The following DDX10 variants were observed in gnomAD, a reference collection of about 807,000 sequenced individuals.
The protein encoded by DDX10 is DEAD-box helicase 10, also known as probable ATP-dependent RNA helicase DDX10.
DDX10 carries 74 observed loss-of-function variants against 104.3 expected under a neutral mutation model. The ratio of observed to expected loss-of-function variants is 0.71; its 90% confidence interval spans 0.59 to 0.86. DDX10 has a LOEUF of 0.86. DDX10 is among the 40% of genes least tolerant of loss of function. The pLI, the probability that DDX10 is intolerant of heterozygous loss-of-function variation, is 0.00. For synonymous variants in DDX10, 351 were observed against 353.4 expected, an observed-to-expected ratio of 0.99 and a Z score of 0.08; for missense variants, 952 against 1,040.0, an observed-to-expected ratio of 0.92 and a Z score of 1.16.
At chr11:108,838,320 A>G (rs914428008) in intron 13 of DDX10, 126 bp from the exon 14 acceptor site, 18 of 990,316 alleles carry the variant, frequency 1.8e-5, no homozygotes, top group East Asian at 1.6e-4. Flanking sequence ...AGTGTTTTCA[A>G]TGCTTCTCAT....
chr11:108,770,024 C>T (rs1370146899), intron 13 of DDX10, among the ~76,000 whole-genome samples: 1 of 152,158 alleles, frequency 6.6e-6, no homozygotes, highest in Non-Finnish European at 1.5e-5. Context: ...CAGCAGGATT[C>T]TAATAAAAGC....
At chr11:108,886,826 C>T (rs1359044573) in intron 16 of DDX10, among the ~76,000 whole-genome samples, 3 of 152,180 alleles carry the variant, frequency 2.0e-5, no homozygotes, top group Non-Finnish European at 4.4e-5. Flanking sequence ...TAAAACTAAT[C>T]TCATTCATGA....
intron 17 of DDX10, among the ~76,000 whole-genome samples, chr11:108,926,949 T>C (rs989260062): frequency 2.0e-5 from 3 of 152,214 alleles, no homozygotes; most frequent in Non-Finnish European, 4.4e-5. Flanking sequence ...TACAAATAGG[T>C]GCCCAAAACT....
intron 6 of DDX10, among the ~76,000 whole-genome samples, chr11:108,686,813 C>T (rs192646798): frequency 6.6e-6 from 1 of 152,274 alleles, no homozygotes; most frequent in East Asian, 1.9e-4. Context: ...GAGACAGAGT[C>T]TTGCTCTGTC....
At chr11:108,796,749 G>A (rs1050808860) in intron 13 of DDX10, among the ~76,000 whole-genome samples, 2 of 152,200 alleles carry the variant, frequency 1.3e-5, no homozygotes, top group Non-Finnish European at 2.9e-5. Context: ...GATCCCTGAT[G>A]TGGAGGGAGG....
intron 12 of DDX10, among the ~76,000 whole-genome samples, chr11:108,720,566 G>T (rs2094296998): frequency 6.6e-6 from 1 of 152,040 alleles, no homozygotes; most frequent in African/African-American, 2.4e-5. Context: ...AGAATGGCTG[G>T]TTTTGTTTTG....
chr11:108,716,893 T>C (rs1374334096), intron 11 of DDX10, among the ~76,000 whole-genome samples: 1 of 152,216 alleles, frequency 6.6e-6, no homozygotes, highest in Non-Finnish European at 1.5e-5. Context: ...CCTCACATAC[T>C]TGTGGTGAGA....
At chr11:108,679,647 A>G in intron 6 of DDX10, 87 bp downstream of exon 6, 1 of 1,019,000 alleles carries the variant, frequency 9.8e-7, no homozygotes, top group Non-Finnish European at 1.4e-6. Context: ...TTTTCTGGGA[A>G]TTAAGACATT....
intron 13 of DDX10, among the ~76,000 whole-genome samples, chr11:108,785,616 A>G (rs537197254): frequency 1.3e-5 from 2 of 152,194 alleles, no homozygotes; most frequent in Admixed American, 1.3e-4. Context: ...CAGTGATTCA[A>G]TTTCTGAACT....
At chr11:108,875,490 T>G (rs1382871563) in intron 16 of DDX10, among the ~76,000 whole-genome samples, 1 of 152,140 alleles carries the variant, frequency 6.6e-6, no homozygotes, top group East Asian at 1.9e-4. Context: ...CTTAGAAGGG[T>G]CTCTCAGCAA....
At chr11:108,685,844 T>C (rs1335614496) in intron 6 of DDX10, among the ~76,000 whole-genome samples, 1 of 152,218 alleles carries the variant, frequency 6.6e-6, no homozygotes, top group African/African-American at 2.4e-5. Context: ...ACCAATATTA[T>C]TACTGATAAT....
chr11:108,826,666 C>G (rs760227904), intron 13 of DDX10, among the ~76,000 whole-genome samples: 1 of 152,124 alleles, frequency 6.6e-6, no homozygotes, highest in Non-Finnish European at 1.5e-5. Flanking sequence ...ATATGCTGCC[C>G]AATTAGCGGT....
chr11:108,833,375 G>A (rs1447253218), intron 13 of DDX10, among the ~76,000 whole-genome samples: 1 of 152,220 alleles, frequency 6.6e-6, no homozygotes, highest in African/African-American at 2.4e-5. Flanking sequence ...AAGGCTGGGA[G>A]TCCACCCCTC....
intron 15 of DDX10, among the ~76,000 whole-genome samples, chr11:108,851,126 G>A (rs1414023282): frequency 6.6e-6 from 1 of 151,764 alleles, no homozygotes; most frequent in African/African-American, 2.4e-5. Context: ...CTTAATGTAA[G>A]CAACAAAACA....
rs538355401 is a variant in DDX10, at chr11:108,940,568, C to CA, written c.*147dup. ...TTCTGGATAGAAGCGATCGTATCTC[C>CA]AAGTCCCTCTCACAGGACATGCTTT... On this transcript the variant is annotated 3_prime_UTR_variant, in exon 18 of 18. Coordinates refer to ENST00000322536, the MANE Select transcript of DDX10 (RefSeq NM_004398.4). 17 of 719,214 alleles carry CA rather than the reference C, an allele frequency of 2.4e-5. No individual in the cohort carries two copies. The East Asian group carries it at 4.4e-4, about 19-fold the overall frequency. 44.6% of individuals were successfully genotyped at this position (719,214 alleles called of 1,614,324 possible). A position where few individuals can be genotyped will look rare whatever the true frequency, so the allele number is the denominator to read the frequency against.
chr11:108,778,997 A>T (rs1446620592), intron 13 of DDX10, among the ~76,000 whole-genome samples: 1 of 152,238 alleles, frequency 6.6e-6, no homozygotes, highest in African/African-American at 2.4e-5. Flanking sequence ...ATACCATCTC[A>T]CACCAGTTAG....
intron 13 of DDX10, among the ~76,000 whole-genome samples, chr11:108,727,039 G>A (rs1421599188): frequency 6.6e-6 from 1 of 151,918 alleles, no homozygotes; most frequent in Non-Finnish European, 1.5e-5. Context: ...CTCCATTTAA[G>A]CAAGATTTCT....
chr11:108,936,709 A>G (rs189484561), intron 17 of DDX10, among the ~76,000 whole-genome samples: 3 of 152,270 alleles, frequency 2.0e-5, no homozygotes, highest in East Asian at 3.9e-4. Context: ...TTAATCCTTT[A>G]TGGTTGGACT....
intron 17 of DDX10, chr11:108,920,166 T>C (rs1175519354): frequency 6.6e-6 from 1 of 152,128 alleles, no homozygotes; most frequent in Non-Finnish European, 1.5e-5. Context: ...TGACAGAATA[T>C]AGATGGAGAG....
Sources: gnomAD v4.1 joint callset for allele counts (sites outside exome capture counted in the v4.1 genomes callset) on GRCh38, gnomAD v4.1.1 for gene constraint, MANE v1.5 for transcripts, NCBI Gene and HGNC (gene_info 2026-07-23, HGNC 2026-07-21) for gene names.